Variants in TRAPPC8 observed in about 807,000 individuals in gnomAD.
TRAPPC8 encodes trafficking protein particle complex subunit 8, also known as general sporulation gene 1 homolog.
A neutral mutation model predicts 174.3 loss-of-function variants in TRAPPC8; 54 were observed. The ratio of observed to expected loss-of-function variants is 0.31; its 90% CI spans 0.25 to 0.39. The LOEUF is 0.39. Among genes scored for constraint, TRAPPC8 ranks in the 10% least tolerant of loss-of-function variants. The pLI, the probability that TRAPPC8 is intolerant of heterozygous loss-of-function variation, is 1.00. For synonymous variants in TRAPPC8, 630 were observed against 579.9 expected, an observed-to-expected ratio of 1.09 and a Z score of -1.24; for missense variants, 1,531 against 1,699.1, an observed-to-expected ratio of 0.90 and a Z score of 1.74.
chr18:31,837,653 G>GT (rs1453866796), intron 27 of TRAPPC8, among the ~76,000 whole-genome samples: 39 of 151,534 alleles, frequency 2.6e-4, no homozygotes, highest in African/African-American at 9.0e-4. Flanking sequence ...AGCCAAGATC[G>GT]TATCACTGCA....
intron 20 of TRAPPC8, among the ~76,000 whole-genome samples, chr18:31,856,522 A>G (rs952488361): frequency 6.6e-6 from 1 of 152,022 alleles, no homozygotes; most frequent in Non-Finnish European, 1.5e-5. Context: ...CACTGCGCCC[A>G]GCCTTGCTTC....
At chr18:31,873,146 T>A (rs541103036) in intron 14 of TRAPPC8, among the ~76,000 whole-genome samples, 1 of 151,144 alleles carries the variant, frequency 6.6e-6, no homozygotes, top group Non-Finnish European at 1.5e-5. Context: ...GCCTCTTGAG[T>A]TGATGGGACT....
intron 26 of TRAPPC8, among the ~76,000 whole-genome samples, chr18:31,845,454 T>C (rs976298918): frequency 8.6e-5 from 13 of 151,842 alleles, no homozygotes; most frequent in Non-Finnish European, 1.8e-4. Context: ...CTGAATGTGA[T>C]AATGTTGTAG....
intron 3 of TRAPPC8, among the ~76,000 whole-genome samples, chr18:31,916,844 A>AG (rs2037171260): frequency 1.5e-5 from 1 of 68,532 alleles, no homozygotes; most frequent in African/African-American, 5.0e-5. Context: ...GTATTTTCAC[A>AG]GCAAAAAAAA....
chr18:31,914,448 C>G (rs958800120), intron 4 of TRAPPC8, among the ~76,000 whole-genome samples: 10 of 152,286 alleles, frequency 6.6e-5, no homozygotes, highest in South Asian at 2.1e-4. Context: ...TAGTTACAAC[C>G]ATTCAATACG....
At chr18:31,858,730 T>C (rs1162556714) in intron 19 of TRAPPC8, among the ~76,000 whole-genome samples, 1 of 152,224 alleles carries the variant, frequency 6.6e-6, no homozygotes, top group South Asian at 2.1e-4. Flanking sequence ...TGTGGACTTG[T>C]GCTTAAAGAG....
At chr18:31,889,385 C>T (rs971074527) in intron 12 of TRAPPC8, among the ~76,000 whole-genome samples, 2 of 152,124 alleles carry the variant, frequency 1.3e-5, no homozygotes, top group Non-Finnish European at 1.5e-5. Flanking sequence ...CAAATGAAAC[C>T]ATTCACAAAA....
Position 31,874,657 on chromosome 18 carries a change from T to C in TRAPPC8, c.1776A>G (p.Lys592=), listed in dbSNP as rs760860071. 6 of 1,613,938 alleles carry C rather than the reference T, an allele frequency of 3.7e-6. No individual in the cohort carries two copies. Among genetic ancestry groups the C allele is most frequent in the Non-Finnish European group, 8.5e-7 (1 of 1,179,992 alleles). The part of the protein sequence containing the change: ...RCYCQAMQVY[K]GKGWSLAEDH... The stretch of plus-strand genomic sequence containing the variant: ...CCTCTGCAAGAGACCAGCCTTTTCC[T>C]TTGTAAACTTGCATGGCTTGACAAT... The change falls in exon 13 of 29, where the codon AAA becomes AAG. Residue 592 remains lysine, a synonymous_variant. Coordinates refer to ENST00000283351, the MANE Select transcript of TRAPPC8 (RefSeq NM_014939.5).
rs867595600 is a variant in TRAPPC8 at position 31,915,474 on chromosome 18, G to A, written c.617+798C>T. On this transcript the variant is annotated intron_variant, in intron 4 of 28. Transcript: ENST00000283351. Reference sequence around the variant, plus strand: ...TGAAACCCCATCAAAAAAAAAGGGGGGGGGGGCGCAGGCGCAGTGGCTCCC... The same window carrying A: ...TGAAACCCCATCAAAAAAAAAGGGGAGGGGGGCGCAGGCGCAGTGGCTCCC... 3.9e-3 allele frequency among the ~76,000 whole-genome samples: 500 copies of A among 129,164 alleles called. 13 individuals carry two copies. Among genetic ancestry groups the A allele is most frequent in the Middle Eastern group, 0.011 (2 of 184 alleles). 84.7% of individuals were successfully genotyped at this position (129,164 alleles called of 152,430 possible). A position where few individuals can be genotyped will look rare whatever the true frequency, so the allele number is the denominator to read the frequency against.
intron 13 of TRAPPC8, 83 bp from the exon 14 acceptor site, chr18:31,873,621 G>T: frequency 1.1e-6 from 1 of 891,826 alleles, no homozygotes; most frequent in Non-Finnish European, 1.7e-6. Context: ...AATACACAAG[G>T]CATTAAAAAT....
Position 31,855,867 on chromosome 18 carries a change from T to C in TRAPPC8, c.3189-60A>G, listed in dbSNP as rs534612004. On this transcript the variant is annotated intron_variant, in intron 20 of 28. Coordinates refer to ENST00000283351, the MANE Select transcript of TRAPPC8 (RefSeq NM_014939.5). Reference sequence around the variant, plus strand: ...GCACAGAGTCTCTATGTTATAATTATCTAATTCCAAATAAAGATTTTAAAA... The same window carrying C: ...GCACAGAGTCTCTATGTTATAATTACCTAATTCCAAATAAAGATTTTAAAA... 2.6e-3 allele frequency: 3,967 copies of C among 1,519,210 alleles called. 10 individuals carry two copies. Among genetic ancestry groups the C allele is most frequent in the Non-Finnish European group, 3.0e-3 (3,407 of 1,137,930 alleles). 94.1% of individuals were successfully genotyped at this position (1,519,210 alleles called of 1,614,324 possible). A position where few individuals can be genotyped will look rare whatever the true frequency, so the allele number is the denominator to read the frequency against.
At chr18:31,860,351 C>A (rs975924718) in intron 19 of TRAPPC8, among the ~76,000 whole-genome samples, 2 of 151,862 alleles carry the variant, frequency 1.3e-5, no homozygotes, top group African/African-American at 4.8e-5. Context: ...TAAAATTATT[C>A]CTAACAGAAA....
At chr18:31,871,987 T>C (rs1240470384) in intron 14 of TRAPPC8, among the ~76,000 whole-genome samples, 1 of 152,114 alleles carries the variant, frequency 6.6e-6, no homozygotes, top group Non-Finnish European at 1.5e-5. Flanking sequence ...TAAAATATAT[T>C]TGTATAGATT....
At chr18:31,865,145 C>T (rs1456189408) in intron 18 of TRAPPC8, among the ~76,000 whole-genome samples, 3 of 151,940 alleles carry the variant, frequency 2.0e-5, no homozygotes, top group African/African-American at 7.2e-5. Flanking sequence ...TATCTATTCA[C>T]AAAGAAAAGA....
chr18:31,931,071 T>C (rs1238635504), intron 2 of TRAPPC8, among the ~76,000 whole-genome samples: 1 of 152,222 alleles, frequency 6.6e-6, no homozygotes, highest in East Asian at 1.9e-4. Context: ...ATATTACTTA[T>C]GTCACAAAAG....
chr18:31,898,694 A>G (rs2036284759), intron 10 of TRAPPC8, among the ~76,000 whole-genome samples: 2 of 152,208 alleles, frequency 1.3e-5, no homozygotes. Context: ...ATCCAATTTT[A>G]GTTTTTTTTG....
chr18:31,906,980 G>T (rs2036687740), intron 9 of TRAPPC8, among the ~76,000 whole-genome samples: 2 of 151,718 alleles, frequency 1.3e-5, no homozygotes, highest in Admixed American at 1.3e-4. Context: ...GTTTGTCAAG[G>T]TTTAAAAAAA....
intron 14 of TRAPPC8, among the ~76,000 whole-genome samples, chr18:31,872,143 T>C (rs1396735207): frequency 6.6e-6 from 1 of 152,124 alleles, no homozygotes; most frequent in Non-Finnish European, 1.5e-5. Context: ...CAAGTCTCAA[T>C]GTCTATGTGT....
intron 18 of TRAPPC8, among the ~76,000 whole-genome samples, chr18:31,865,766 T>G (rs2034556866): frequency 1.3e-5 from 2 of 151,580 alleles, no homozygotes; most frequent in Non-Finnish European, 3.0e-5. Flanking sequence ...CCAGTTATCT[T>G]GCTTTAAAAA....
Sources: gnomAD v4.1 joint callset for allele counts (sites outside exome capture counted in the v4.1 genomes callset) on GRCh38, gnomAD v4.1.1 for gene constraint, MANE v1.5 for transcripts, NCBI Gene and HGNC (gene_info 2026-07-23, HGNC 2026-07-21) for gene names.